Variants in PHACTR1 observed in about 807,000 individuals in gnomAD.
PHACTR1 encodes the protein phosphatase and actin regulator 1.
A neutral mutation model predicts 69.2 loss-of-function variants in PHACTR1; 16 were observed. The ratio of observed to expected loss-of-function variants is 0.23; its 90% CI spans 0.16 to 0.35. PHACTR1 has a LOEUF of 0.35. PHACTR1 is among the 10% of genes least tolerant of loss of function. The pLI is 1.00. For synonymous variants in PHACTR1, 312 were observed against 284.5 expected (o/e 1.10, Z -0.97); for missense variants, 510 against 734.7 (o/e 0.69, Z 3.54).
At chr6:13,280,369 CT>C (rs1779886641) in intron 12 of PHACTR1, 1 of 153,712 alleles carries the variant, frequency 6.5e-6, no homozygotes, top group Admixed American at 6.4e-5. Context: ...GGGATAACTG[CT>C]TCTAAGAGAG....
At chr6:13,129,378 A>G (rs1266873741) in intron 5 of PHACTR1, among the ~76,000 whole-genome samples, 1 of 152,148 alleles carries the variant, frequency 6.6e-6, no homozygotes, top group East Asian at 1.9e-4. Context: ...TGAATAAAAA[A>G]ATCCACCAAC....
At chr6:13,043,921 A>T (rs1804611051) in intron 4 of PHACTR1, among the ~76,000 whole-genome samples, 1 of 152,216 alleles carries the variant, frequency 6.6e-6, no homozygotes, top group Non-Finnish European at 1.5e-5. Context: ...CTATAGATTA[A>T]ATGAACAACA....
chr6:12,857,668 T>G (rs1780535509), intron 4 of PHACTR1, among the ~76,000 whole-genome samples: 1 of 152,096 alleles, frequency 6.6e-6, no homozygotes, highest in Non-Finnish European at 1.5e-5. Flanking sequence ...TCTTGCTGAA[T>G]GAACTAACAG....
intron 4 of PHACTR1, among the ~76,000 whole-genome samples, chr6:12,997,809 C>T (rs972047206): frequency 1.6e-4 from 24 of 151,922 alleles, no homozygotes; most frequent in Non-Finnish European, 2.8e-4. Flanking sequence ...CAAAATTAGC[C>T]GGGCACGGTG....
intron 4 of PHACTR1, among the ~76,000 whole-genome samples, chr6:12,999,540 A>G (rs576642451): frequency 1.8e-3 from 270 of 152,298 alleles, no homozygotes; most frequent in African/African-American, 6.1e-3. Context: ...CGGAGGTTGC[A>G]GAGAGCTGAG....
intron 5 of PHACTR1, among the ~76,000 whole-genome samples, chr6:13,133,415 T>C (rs1198074178): frequency 6.6e-6 from 1 of 151,724 alleles, no homozygotes; most frequent in Non-Finnish European, 1.5e-5. Context: ...TGCCTCAGCC[T>C]GCCGAGTCCC....
intron 5 of PHACTR1, among the ~76,000 whole-genome samples, chr6:13,120,967 C>T (rs1467262215): frequency 6.6e-6 from 1 of 152,146 alleles, no homozygotes; most frequent in African/African-American, 2.4e-5. Context: ...AAGCCTGGCA[C>T]CCTAGTCTAA....
intron 4 of PHACTR1, among the ~76,000 whole-genome samples, chr6:12,791,259 A>T (rs1772237546): frequency 6.6e-6 from 1 of 152,172 alleles, no homozygotes; most frequent in Non-Finnish European, 1.5e-5. Flanking sequence ...TTGAATGAGG[A>T]TATTAACAAT....
intron 4 of PHACTR1, among the ~76,000 whole-genome samples, chr6:12,803,392 G>T (rs1773931976): frequency 6.6e-6 from 1 of 152,042 alleles, no homozygotes; most frequent in South Asian, 2.1e-4. Context: ...AAAGGAGGAG[G>T]AGACATATTA....
chr6:13,054,406 T>A (rs1207997322), intron 5 of PHACTR1, among the ~76,000 whole-genome samples: 1 of 152,206 alleles, frequency 6.6e-6, no homozygotes, highest in African/African-American at 2.4e-5. Context: ...TTGGTTTTGG[T>A]CTGTTTGGGC....
rs529384897 is a variant in PHACTR1 at position 12,717,831 on chromosome 6, G to C, written c.-47+88G>C. 3.3e-5 allele frequency: 5 copies of C among 152,204 alleles called. No individual in the cohort carries two copies. In the South Asian group the frequency reaches 6.2e-4, roughly 19 times the overall value. The allele number at this position is 152,204 out of a possible 1,614,324, so 9.4% of individuals were successfully genotyped here. A position where few individuals can be genotyped will look rare whatever the true frequency, so the allele number is the denominator to read the frequency against. Reference sequence around the variant, plus strand: ...GGTTTCTTAAATTAAAATACATACTGTTAGAAAGAGAAACCAATTGGATTA... The same window carrying C: ...GGTTTCTTAAATTAAAATACATACTCTTAGAAAGAGAAACCAATTGGATTA... On this transcript the variant is annotated intron_variant, in intron 2 of 14. Coordinates refer to ENST00000332995, the MANE Select transcript of PHACTR1 (RefSeq NM_030948.6).
chr6:13,018,704 T>A (rs1253184552), intron 4 of PHACTR1, among the ~76,000 whole-genome samples: 5 of 151,964 alleles, frequency 3.3e-5, no homozygotes, highest in Non-Finnish European at 7.4e-5. Context: ...GAGGACAGAG[T>A]GGTAGGTTCC....
intron 4 of PHACTR1, among the ~76,000 whole-genome samples, chr6:13,045,935 C>T (rs779499247): frequency 2.0e-5 from 3 of 152,190 alleles, no homozygotes; most frequent in Non-Finnish European, 2.9e-5. Context: ...AGTTTGGGTC[C>T]AGGTATATGG....
chr6:12,927,998 G>A (rs1365812305), intron 4 of PHACTR1, among the ~76,000 whole-genome samples: 1 of 152,156 alleles, frequency 6.6e-6, no homozygotes, highest in Non-Finnish European at 1.5e-5. Context: ...CACCTGTTTT[G>A]AATGGCAGCC....
chr6:13,162,265 A>G (rs1759143282), intron 6 of PHACTR1, among the ~76,000 whole-genome samples: 1 of 130,242 alleles, frequency 7.7e-6, no homozygotes, highest in Non-Finnish European at 1.6e-5. Flanking sequence ...ATGCACGGCT[A>G]CTTTTGTTTT....
intron 5 of PHACTR1, among the ~76,000 whole-genome samples, chr6:13,148,718 A>G (rs906857445): frequency 1.3e-5 from 2 of 152,232 alleles, no homozygotes; most frequent in African/African-American, 2.4e-5. Context: ...CTCCAGAGGA[A>G]AGTATGCTAT....
chr6:13,281,978 C>T (rs1408388731), intron 12 of PHACTR1, among the ~76,000 whole-genome samples: 2 of 152,254 alleles, frequency 1.3e-5, no homozygotes, highest in African/African-American at 2.4e-5. Context: ...AGCTGTAGGC[C>T]TGCCTTGGCC....
intron 4 of PHACTR1, among the ~76,000 whole-genome samples, chr6:12,974,939 T>C (rs1051520456): frequency 6.6e-6 from 1 of 152,192 alleles, no homozygotes; most frequent in Non-Finnish European, 1.5e-5. Context: ...ATGTATTCAC[T>C]TACTTCCTCT....
At chr6:12,865,192 G>A (rs1349821695) in intron 4 of PHACTR1, among the ~76,000 whole-genome samples, 2 of 152,276 alleles carry the variant, frequency 1.3e-5, no homozygotes, top group East Asian at 3.9e-4. Context: ...AGCTTCTGTG[G>A]CACTGGGAGG....
Sources: allele counts gnomAD v4.1 joint callset (sites outside exome capture counted in the v4.1 genomes callset), GRCh38; gene constraint gnomAD v4.1.1; transcripts MANE v1.5; gene names NCBI Gene and HGNC (gene_info 2026-07-23, HGNC 2026-07-21).